PCDHGA2: variants seen among roughly 807,000 people sequenced by gnomAD.
PCDHGA2 encodes protocadherin gamma subfamily A, 2, also known as protocadherin gamma-A2.
PCDHGA2 carries 40 observed loss-of-function variants against 59.2 expected under a neutral mutation model. That is an observed-to-expected ratio of 0.68 (90% CI 0.52 to 0.88). The LOEUF is 0.88. Ranked by LOEUF, PCDHGA2 falls within the 40% of genes least tolerant of loss-of-function variation. PCDHGA2 has a pLI of 0.00. For synonymous variants in PCDHGA2, 560 were observed against 526.0 expected, an observed-to-expected ratio of 1.06 and a Z score of -0.89; for missense variants, 1,226 against 1,204.0, an observed-to-expected ratio of 1.02 and a Z score of -0.27.
Position 141,350,196 on chromosome 5 carries a change from A to G in PCDHGA2, c.2424+8801A>G, listed in dbSNP as rs1019506208. On this transcript the variant is annotated intron_variant, in intron 1 of 3. Transcript: ENST00000394576. ...TCCTAAGCTCAAATCACAGAAGTCC[A>G]GGGTGCTGCCATTTCTTTTTGAAAA... 5.4e-5 allele frequency: 76 copies of G among 1,414,712 alleles called. 1 individual carries two copies. Among genetic ancestry groups the G allele is most frequent in the Non-Finnish European group, 7.0e-5 (75 of 1,064,100 alleles). 87.6% of individuals were successfully genotyped at this position (1,414,712 alleles called of 1,614,324 possible).
At chr5:141,419,273 G>A (rs751868316) in intron 1 of PCDHGA2, 2 of 1,614,034 alleles carry the variant, frequency 1.2e-6, no homozygotes, top group South Asian at 1.1e-5. Flanking sequence ...TGCCTCCATA[G>A]CGCAAGTCAG....
rs370951112 is a variant in PCDHGA2 at position 141,357,333 on chromosome 5, G to A, written c.2424+15938G>A. ...TCTTCCTGGCTTTTGTCACGGTGCT[G>A]CTAGCACTCAAGCTGAGACGCTGGC... is the stretch of plus-strand genomic sequence containing the variant. On this transcript the variant is annotated intron_variant, in intron 1 of 3. Coordinates refer to ENST00000394576, the MANE Select transcript of PCDHGA2 (RefSeq NM_018915.4). 17 of 1,614,014 alleles carry A rather than the reference G, an allele frequency of 1.1e-5. No individual in the cohort carries two copies. In the African/African-American group the frequency reaches 2.3e-4, roughly 22 times the overall value.
intron 1 of PCDHGA2, chr5:141,385,074 G>T: frequency 1.2e-6 from 2 of 1,614,192 alleles, no homozygotes; most frequent in African/African-American, 1.3e-5. Context: ...CACGCCTGCT[G>T]CAGGCTTCAG....
intron 1 of PCDHGA2, among the ~76,000 whole-genome samples, chr5:141,492,170 C>A (rs1383768075): frequency 6.6e-6 from 1 of 152,226 alleles, no homozygotes; most frequent in Non-Finnish European, 1.5e-5. Context: ...ATCCCCGCAT[C>A]ACCCAACCGC....
intron 1 of PCDHGA2, chr5:141,345,276 A>G: frequency 6.2e-7 from 1 of 1,614,020 alleles, no homozygotes; most frequent in Non-Finnish European, 8.5e-7. Context: ...CCGCGAACAA[A>G]TATCAGAATA....
intron 1 of PCDHGA2, chr5:141,441,665 A>ACAGTG (rs936537442): frequency 7.5e-6 from 2 of 265,720 alleles, no homozygotes; most frequent in African/African-American, 4.7e-5. Flanking sequence ...CCTTGAGCGC[A>ACAGTG]CAGTGCGCCT....
intron 1 of PCDHGA2, chr5:141,357,759 T>G: frequency 9.6e-7 from 1 of 1,044,694 alleles, no homozygotes; most frequent in Non-Finnish European, 1.4e-6. Flanking sequence ...AACTGGTGGA[T>G]GACCTTCCAA....
intron 1 of PCDHGA2, chr5:141,392,745 G>T: frequency 6.9e-7 from 1 of 1,441,296 alleles, no homozygotes; most frequent in Non-Finnish European, 9.1e-7. Flanking sequence ...CCATAGCTGC[G>T]GCAAGAAACT....
chr5:141,423,848 G>C (rs1353181066), intron 1 of PCDHGA2: 1 of 1,277,462 alleles, frequency 7.8e-7, no homozygotes, highest in Non-Finnish European at 9.9e-7. Flanking sequence ...TAATCTTTCA[G>C]AACGTTTTTG....
At chr5:141,430,784 G>T in intron 1 of PCDHGA2, 1 of 1,512,418 alleles carries the variant, frequency 6.6e-7, no homozygotes, top group East Asian at 2.3e-5. Flanking sequence ...ACTGCACCGG[G>T]ACTACAAAGG....
intron 1 of PCDHGA2, among the ~76,000 whole-genome samples, chr5:141,479,935 A>C (rs1226362422): frequency 1.3e-5 from 2 of 152,232 alleles, no homozygotes. Context: ...CATCATTGCT[A>C]TCAACTCTTG....
chr5:141,416,722 A>G (rs891558095), intron 1 of PCDHGA2: 3 of 152,258 alleles, frequency 2.0e-5, no homozygotes, highest in Admixed American at 6.5e-5. Context: ...TGATGAGTTC[A>G]TTTAGTTCAA....
intron 1 of PCDHGA2, among the ~76,000 whole-genome samples, chr5:141,386,767 T>A (rs749741311): frequency 5.3e-5 from 8 of 152,202 alleles, no homozygotes; most frequent in Non-Finnish European, 1.0e-4. Flanking sequence ...TTATAAGGTA[T>A]TTTGTAAAAG....
intron 1 of PCDHGA2, among the ~76,000 whole-genome samples, chr5:141,450,547 C>T (rs182695399): frequency 3.4e-4 from 51 of 150,496 alleles, no homozygotes; most frequent in African/African-American, 1.0e-3. Context: ...AATGCAGTGG[C>T]GCAGTCTCGG....
chr5:141,418,875 A>G (rs2097697666), intron 1 of PCDHGA2: 1 of 1,613,926 alleles, frequency 6.2e-7, no homozygotes, highest in African/African-American at 1.3e-5. Flanking sequence ...GAAGTTGTAG[A>G]CGAAAACGAC....
intron 1 of PCDHGA2, chr5:141,375,151 T>A (rs1771184032): frequency 6.2e-7 from 1 of 1,613,844 alleles, no homozygotes; most frequent in African/African-American, 1.3e-5. Context: ...GCAGAACAAT[T>A]GCTGAAAGTG....
chr5:141,358,018 A>G (rs753079892), intron 1 of PCDHGA2, among the ~76,000 whole-genome samples: 4 of 152,092 alleles, frequency 2.6e-5, no homozygotes, highest in African/African-American at 4.8e-5. Context: ...GGTGAAACCC[A>G]GTCTCTACTA....
chr5:141,366,437 G>A lies in PCDHGA2; in HGVS notation c.2424+25042G>A, dbSNP rs201380639. The A allele has an allele frequency of 4.0e-4, 649 of 1,614,042 alleles. No individual in the cohort carries two copies. The highest frequency in any genetic ancestry group is 4.5e-4 in the Non-Finnish European group (535 of 1,180,064). ...GGTGGCAGTGGCTGCAGTCTCCTGC[G>A]TCTTCCTGGCCTTCGTCATCGTGCT... is the stretch of plus-strand genomic sequence containing the variant. On this transcript the variant is annotated intron_variant, in intron 1 of 3. Coordinates refer to ENST00000394576, the MANE Select transcript of PCDHGA2 (RefSeq NM_018915.4).
At chr5:141,343,708 G>A (rs1757311436) in intron 1 of PCDHGA2, 1 of 219,928 alleles carries the variant, frequency 4.5e-6, no homozygotes, top group Non-Finnish European at 8.8e-6. Flanking sequence ...TGACAAGAAG[G>A]ATTTCAGATC....
Sources: gnomAD v4.1 joint callset for allele counts (sites outside exome capture counted in the v4.1 genomes callset) on GRCh38, gnomAD v4.1.1 for gene constraint, MANE v1.5 for transcripts, NCBI Gene and HGNC (gene_info 2026-07-23, HGNC 2026-07-21) for gene names.